The following PAX5 variants were observed in gnomAD, a reference collection of about 807,000 sequenced individuals.
PAX5 encodes paired box protein Pax-5.
In PAX5, 9 loss-of-function variants were observed where a neutral mutation model predicts 43.7. The observed-to-expected ratio is 0.21, with a 90% CI of 0.12 to 0.36. The LOEUF (loss-of-function observed/expected upper bound fraction) is 0.36, where lower values mean the gene tolerates loss of function less well. Among genes scored for constraint, PAX5 ranks in the 10% least tolerant of loss-of-function variants. The pLI, the probability that PAX5 is intolerant of heterozygous loss-of-function variation, is 1.00. For synonymous variants in PAX5, 228 were observed against 214.3 expected, an observed-to-expected ratio of 1.06 and a Z score of -0.56; for missense variants, 383 against 532.7, an observed-to-expected ratio of 0.72 and a Z score of 2.77.
Position 36,882,014 on chromosome 9 carries a change from C to T in PAX5, c.1002G>A (p.Gly334=), listed in dbSNP as rs2131762383. The change falls in exon 8 of 10, where the codon GGG becomes GGA. Residue 334 remains glycine (G), a synonymous_variant. Coordinates refer to ENST00000358127, the MANE Select transcript of PAX5 (RefSeq NM_016734.3). The surrounding 1 kb of genome is among the most constrained non-coding windows in gnomAD (Gnocchi z 4.4). ...QGSYSAPTLT[G]MVPGSEFSGS... Reference sequence around the variant, plus strand: ...ACAGTGCAAACTCACCAGGCACCATCCCTGTCAGCGTCGGTGCTGAGTAGC... The same window carrying T: ...ACAGTGCAAACTCACCAGGCACCATTCCTGTCAGCGTCGGTGCTGAGTAGC... The T allele has an allele frequency of 1.9e-6, 3 of 1,611,902 alleles. No individual in the cohort carries two copies. Among genetic ancestry groups the T allele is most frequent in the Non-Finnish European group, 2.5e-6 (3 of 1,179,146 alleles).
At chr9:36,970,534 G>T (rs1354734315) in intron 5 of PAX5, among the ~76,000 whole-genome samples, 1 of 152,104 alleles carries the variant, frequency 6.6e-6, no homozygotes, top group Non-Finnish European at 1.5e-5. Context: ...GGCCCGAATC[G>T]CTCGTTCCTT....
chr9:36,926,870 A>G (rs1830683914), intron 6 of PAX5, among the ~76,000 whole-genome samples: 1 of 152,232 alleles, frequency 6.6e-6, no homozygotes, highest in Non-Finnish European at 1.5e-5. Flanking sequence ...ACATTGGCCC[A>G]GAAATTCCAT....
chr9:37,026,410 A>C (rs1427398624), intron 1 of PAX5: 1 of 886,648 alleles, frequency 1.1e-6, no homozygotes, highest in East Asian at 5.0e-5. Flanking sequence ...TGCACTTTGC[A>C]AAGTTAGCTG....
At chr9:37,031,376 G>T (rs908245371) in intron 1 of PAX5, among the ~76,000 whole-genome samples, 1 of 152,150 alleles carries the variant, frequency 6.6e-6, no homozygotes, top group African/African-American at 2.4e-5. Flanking sequence ...TTCATGGATG[G>T]GGGTTATTAA....
At chr9:36,850,977 A>G (rs1196884566) in intron 8 of PAX5, among the ~76,000 whole-genome samples, 1 of 152,196 alleles carries the variant, frequency 6.6e-6, no homozygotes, top group Non-Finnish European at 1.5e-5. Context: ...TGGGGGCAGA[A>G]GGCAGGTGGG....
intron 2 of PAX5, among the ~76,000 whole-genome samples, chr9:37,019,549 A>G (rs1839685752): frequency 6.6e-6 from 1 of 152,234 alleles, no homozygotes; most frequent in African/African-American, 2.4e-5. Flanking sequence ...TCCATCTGAG[A>G]GAATTTCTTG....
chr9:36,944,296 A>T (rs1832320615), intron 6 of PAX5, among the ~76,000 whole-genome samples: 1 of 152,198 alleles, frequency 6.6e-6, no homozygotes, highest in African/African-American at 2.4e-5. Flanking sequence ...TGAAACCTCT[A>T]ACAGCCCTAT....
chr9:37,003,275 C>T (rs957428473), intron 4 of PAX5, among the ~76,000 whole-genome samples: 4 of 151,978 alleles, frequency 2.6e-5, no homozygotes, highest in Non-Finnish European at 4.4e-5. Flanking sequence ...CTCACGCGCA[C>T]GGCTAACAAA....
intron 7 of PAX5, among the ~76,000 whole-genome samples, chr9:36,906,268 A>G (rs955822013): frequency 1.3e-5 from 2 of 152,132 alleles, no homozygotes; most frequent in African/African-American, 4.8e-5. Flanking sequence ...CGATGTGGAG[A>G]GCGTGTGGAT....
At chr9:36,953,782 C>A (rs1256304255) in intron 6 of PAX5, among the ~76,000 whole-genome samples, 2 of 152,070 alleles carry the variant, frequency 1.3e-5, no homozygotes, top group Admixed American at 1.3e-4. Flanking sequence ...ATTTTAAATT[C>A]CCTATCTTGG....
At chr9:36,975,746 T>C (rs567108599) in intron 5 of PAX5, among the ~76,000 whole-genome samples, 1 of 152,210 alleles carries the variant, frequency 6.6e-6, no homozygotes, top group South Asian at 2.1e-4. Context: ...GGGATAATAA[T>C]AGTATCTGGA....
At chr9:36,938,398 C>T (rs935406688) in intron 6 of PAX5, among the ~76,000 whole-genome samples, 4 of 152,186 alleles carry the variant, frequency 2.6e-5, no homozygotes, top group Non-Finnish European at 5.9e-5. Context: ...CCCTTACACA[C>T]ACACATATAT....
intron 5 of PAX5, among the ~76,000 whole-genome samples, chr9:36,972,589 A>C (rs1835010217): frequency 6.6e-6 from 1 of 152,096 alleles, no homozygotes; most frequent in African/African-American, 2.4e-5. Context: ...GCCTGAGCCA[A>C]CCAAGGGGAT....
chr9:36,964,021 C>T (rs190084487), intron 6 of PAX5, among the ~76,000 whole-genome samples: 441 of 152,340 alleles, frequency 2.9e-3, no homozygotes, highest in Non-Finnish European at 4.7e-3. Flanking sequence ...TGGCTCATGC[C>T]TGTAATCCCA....
chr9:37,021,672 C>T (rs949219661), intron 1 of PAX5, among the ~76,000 whole-genome samples: 1 of 152,174 alleles, frequency 6.6e-6, no homozygotes, highest in African/African-American at 2.4e-5. Context: ...GAAAGTGCCT[C>T]CTCCACCCTT....
At chr9:37,030,691 T>A (rs1840893589) in intron 1 of PAX5, among the ~76,000 whole-genome samples, 1 of 152,240 alleles carries the variant, frequency 6.6e-6, no homozygotes, top group African/African-American at 2.4e-5. Context: ...CCATTGAGAA[T>A]AATGTGTGAG....
intron 5 of PAX5, among the ~76,000 whole-genome samples, chr9:36,979,403 T>C (rs1024939577): frequency 2.6e-5 from 4 of 152,226 alleles, no homozygotes; most frequent in African/African-American, 9.7e-5. Context: ...ATTGACGTGT[T>C]TGGGCTCTGT....
rs150947096 is a variant in PAX5 at position 36,954,853 on chromosome 9, C to T, written c.780+11696G>A. ...TGCCAACTATTTGGTGTATGTTGGA[C>T]TTTCTCATGATATTTTGTTTTATCT... On this transcript the variant is annotated intron_variant, in intron 6 of 9. Transcript: ENST00000358127. Among the ~76,000 whole-genome samples the T allele has an allele frequency of 4.6e-3, 704 of 152,228 alleles. 4 individuals are homozygous for T. The highest frequency in any genetic ancestry group is 0.016 in the African/African-American group (682 of 41,544).
intron 6 of PAX5, among the ~76,000 whole-genome samples, chr9:36,957,112 C>T (rs1833554927): frequency 6.6e-6 from 1 of 152,230 alleles, no homozygotes; most frequent in South Asian, 2.1e-4. Flanking sequence ...GCTGTGCTCG[C>T]TGGTGGGCGG....
Sources: allele counts gnomAD v4.1 joint callset (sites outside exome capture counted in the v4.1 genomes callset), GRCh38; gene constraint gnomAD v4.1.1; non-coding constraint Gnocchi (gnomAD v3.1); transcripts MANE v1.5; gene names NCBI Gene and HGNC (gene_info 2026-07-23, HGNC 2026-07-21).